The following DLG5 variants were observed in gnomAD, a reference collection of about 807,000 sequenced individuals.
The protein encoded by DLG5 is disks large homolog 5.
In DLG5, 48 loss-of-function variants were observed where a neutral mutation model predicts 189.8. The observed-to-expected ratio is 0.25, with a 90% CI of 0.20 to 0.32. The LOEUF (loss-of-function observed/expected upper bound fraction) is 0.32, where lower values mean the gene tolerates loss of function less well. DLG5 is among the 10% of genes least tolerant of loss of function. The pLI, the probability that DLG5 is intolerant of heterozygous loss-of-function variation, is 1.00. For missense variants in DLG5, 2,160 were observed against 2,544.7 expected, an observed-to-expected ratio of 0.85 and a Z score of 3.25; for synonymous variants, 1,016 against 1,054.1, an observed-to-expected ratio of 0.96 and a Z score of 0.70.
the DLG5 span, among the ~76,000 whole-genome samples, chr10:77,937,381 C>G: frequency 6.6e-6 from 1 of 152,172 alleles, no homozygotes; most frequent in Non-Finnish European, 1.5e-5. Flanking sequence ...TTGCCATTAT[C>G]TATTGCCTTG....
chr10:77,862,727 A>G (rs1844519872), intron 2 of DLG5, among the ~76,000 whole-genome samples: 1 of 152,252 alleles, frequency 6.6e-6, no homozygotes, highest in Admixed American at 6.5e-5. Flanking sequence ...TTACTCAGCA[A>G]TGAAAAGGGA....
At chr10:77,839,768 A>G (rs1843329655) in intron 7 of DLG5, among the ~76,000 whole-genome samples, 1 of 152,208 alleles carries the variant, frequency 6.6e-6, no homozygotes, top group Non-Finnish European at 1.5e-5. Context: ...ATCTTTACTT[A>G]TTAAAAATTT....
rs751119774 is a variant in DLG5, at chr10:77,809,532, C to T, written c.4647+15G>A. On this transcript the variant is annotated intron_variant, in intron 24 of 31. Coordinates refer to ENST00000372391, the MANE Select transcript of DLG5 (RefSeq NM_004747.4). Reference sequence around the variant, plus strand: ...GTAGATGGAGGCCTGGCCTGCTCAGCAGCTCAGAACTCACCTCCAGGATGA... The same window carrying T: ...GTAGATGGAGGCCTGGCCTGCTCAGTAGCTCAGAACTCACCTCCAGGATGA... 1 of 1,604,392 alleles carries T rather than the reference C, an allele frequency of 6.2e-7. No homozygotes were observed. The highest frequency in any genetic ancestry group is 8.5e-7 in the Non-Finnish European group (1 of 1,175,626).
rs1347449714 is a variant in DLG5, at chr10:77,926,232, G to C, written c.289C>G (p.Pro97Ala). The C allele has an allele frequency of 6.6e-7, 1 of 1,509,544 alleles. No homozygotes were observed. The highest frequency in any genetic ancestry group is 8.9e-7 in the Non-Finnish European group (1 of 1,127,382). The allele number at this position is 1,509,544 out of a possible 1,614,324, so 93.5% of individuals were successfully genotyped here. A position where few individuals can be genotyped will look rare whatever the true frequency, so the allele number is the denominator to read the frequency against. The part of the protein sequence containing the change: ...YLNGVVGPPQ[P>A]AEGAGSTYSV... ...TGCCACTCACCCGCGCCTTCGGCGG[G>C]CTGCGGCGGCCCGACGACGCCGTTC... Residue 97 changes from proline (P) to alanine (A), a missense_variant, in exon 1 of 32, where the codon CCC becomes GCC. Around this residue, in one of 5 missense-constraint regions of DLG5, gnomAD observed 664 missense variants for 838.5 expected, o/e 0.79. Coordinates refer to ENST00000372391, the MANE Select transcript of DLG5 (RefSeq NM_004747.4). This position sits in a 1 kb window ranked among gnomAD's most constrained non-coding sequence, Gnocchi z 5.2.
intron 5 of DLG5, 43 bp from the exon 6 acceptor site, chr10:77,843,749 T>C: frequency 6.2e-7 from 1 of 1,610,340 alleles, no homozygotes; most frequent in Non-Finnish European, 8.5e-7. Context: ...CTGTGGGAGG[T>C]GGCGGAGGAG....
intron 29 of DLG5, among the ~76,000 whole-genome samples, chr10:77,795,313 T>C (rs185988301): frequency 2.9e-4 from 44 of 152,316 alleles, no homozygotes; most frequent in African/African-American, 1.1e-3. Context: ...AGCCAGAGTC[T>C]GGTGAGCCTT....
intron 3 of DLG5, among the ~76,000 whole-genome samples, chr10:77,854,970 C>G (rs1397262051): frequency 2.0e-5 from 3 of 152,046 alleles, no homozygotes; most frequent in Non-Finnish European, 4.4e-5. Context: ...GCCTGGGCAA[C>G]AGAGAGGATC....
At chr10:77,940,296 G>T in the DLG5 span, among the ~76,000 whole-genome samples, 75,152 of 151,912 alleles carry the variant, frequency 0.49, 19,080 homozygotes, top group Admixed American at 0.59. Flanking sequence ...CACCTTTGAG[G>T]CCTCTGACAA....
At chr10:77,935,803 G>A in the DLG5 span, among the ~76,000 whole-genome samples, 1 of 152,180 alleles carries the variant, frequency 6.6e-6, no homozygotes, top group African/African-American at 2.4e-5. Flanking sequence ...GGATGTGTGT[G>A]AGCAGAGGAG....
At chr10:77,881,116 G>C (rs1280512289) in intron 1 of DLG5, among the ~76,000 whole-genome samples, 5 of 151,960 alleles carry the variant, frequency 3.3e-5, no homozygotes, top group Non-Finnish European at 7.4e-5. Context: ...GGGGTTACAG[G>C]CATGTGCCTC....
In DLG5 at chr10:77,792,350, G is replaced by A; in HGVS notation, c.*90C>T. ...TCCTTCCCCCGCATGTTCATAGACG[G>A]ACAGACTTCTACTTTCAGTCGCTAG... On this transcript the variant is annotated 3_prime_UTR_variant, in exon 32 of 32. Transcript: ENST00000372391. 7.7e-7 allele frequency: 1 copy of A among 1,292,812 alleles called. No individual in the cohort carries two copies. Among genetic ancestry groups the A allele is most frequent in the Non-Finnish European group, 1.1e-6 (1 of 892,082 alleles). 80.1% of individuals were successfully genotyped at this position (1,292,812 alleles called of 1,614,324 possible).
At chr10:77,864,999 G>A (rs1844615802) in intron 2 of DLG5, among the ~76,000 whole-genome samples, 1 of 152,188 alleles carries the variant, frequency 6.6e-6, no homozygotes, top group South Asian at 2.1e-4. Flanking sequence ...CTTCCCAGCT[G>A]CATCTAGTCC....
chr10:77,855,998 A>G (rs1399997046), intron 3 of DLG5, among the ~76,000 whole-genome samples: 2 of 152,118 alleles, frequency 1.3e-5, no homozygotes, highest in Admixed American at 6.6e-5. Flanking sequence ...AAAAGCAGCA[A>G]ACATTTTCTT....
intron 2 of DLG5, among the ~76,000 whole-genome samples, chr10:77,865,734 G>C (rs999292442): frequency 5.3e-5 from 8 of 152,120 alleles, no homozygotes; most frequent in African/African-American, 1.7e-4. Flanking sequence ...CGCAGGAAGC[G>C]GGGGAGGGCC....
intron 7 of DLG5, among the ~76,000 whole-genome samples, chr10:77,840,110 G>A (rs1161000538): frequency 6.6e-6 from 1 of 152,222 alleles, no homozygotes; most frequent in African/African-American, 2.4e-5. Flanking sequence ...GGGTGCAGGG[G>A]CTCACGCCTG....
intron 1 of DLG5, among the ~76,000 whole-genome samples, chr10:77,886,384 CTT>C (rs11408820): frequency 2.8e-5 from 4 of 143,912 alleles, no homozygotes; most frequent in Non-Finnish European, 3.0e-5. Flanking sequence ...AGTAATGTTG[CTT>C]TTTTTTTTTT....
rs941763940 is a variant in DLG5 at position 77,926,014 on chromosome 10, T to C, written c.304+203A>G. Among the ~76,000 whole-genome samples the C allele has an allele frequency of 6.6e-6, 1 of 152,054 alleles. No homozygotes were observed. Among genetic ancestry groups the C allele is most frequent in the East Asian group, 1.9e-4 (1 of 5,148 alleles). ...GAGTGAAGGCCTTCAGCGGGGGGCA[T>C]TGTTCACAGCGAACGGCGGGACTGG... On this transcript the variant is annotated intron_variant, in intron 1 of 31. Coordinates refer to ENST00000372391, the MANE Select transcript of DLG5 (RefSeq NM_004747.4). The surrounding 1 kb of genome is among the most constrained non-coding windows in gnomAD (Gnocchi z 5.2).
intron 27 of DLG5, among the ~76,000 whole-genome samples, chr10:77,797,993 C>G (rs991589862): frequency 6.6e-6 from 1 of 152,078 alleles, no homozygotes; most frequent in African/African-American, 2.4e-5. Flanking sequence ...TTGAGACCAG[C>G]CTGGCCAATA....
chr10:77,833,157 G>A (rs936588334), intron 9 of DLG5, among the ~76,000 whole-genome samples: 3 of 152,092 alleles, frequency 2.0e-5, no homozygotes, highest in Non-Finnish European at 4.4e-5. Flanking sequence ...ATTGGGCTCT[G>A]CCAATTTCTA....
Sources: gnomAD v4.1 joint callset for allele counts (sites outside exome capture counted in the v4.1 genomes callset) on GRCh38, gnomAD v4.1.1 for gene constraint, gnomAD v4.1.1 regional missense constraint, Gnocchi (gnomAD v3.1) non-coding constraint, MANE v1.5 for transcripts, NCBI Gene and HGNC (gene_info 2026-07-23, HGNC 2026-07-21) for gene names.